The following LARGE1 variants were observed in gnomAD, a reference collection of about 807,000 sequenced individuals.
LARGE1 encodes LARGE xylosyl- and glucuronyltransferase 1.
In LARGE1, 43 loss-of-function variants were observed where a neutral mutation model predicts 87.6. That is an observed-to-expected ratio of 0.49 (90% CI 0.38 to 0.63). The LOEUF is 0.63. Among genes scored for constraint, LARGE1 ranks in the 30% least tolerant of loss-of-function variants. The pLI, the probability that LARGE1 is intolerant of heterozygous loss-of-function variation, is 0.00. For missense variants in LARGE1, 802 were observed against 1,000.2 expected (o/e 0.80, Z 2.67); for synonymous variants, 434 against 394.6 (o/e 1.10, Z -1.18).
At chr22:33,547,842 T>C (rs1378265945) in intron 6 of LARGE1, among the ~76,000 whole-genome samples, 2 of 103,606 alleles carry the variant, frequency 1.9e-5, no homozygotes, top group South Asian at 3.1e-4. Flanking sequence ...TCTAAAAAAA[T>C]GTACCATATT....
In LARGE1 at chr22:33,384,252, C is replaced by T. The variant is rs1438136398; in HGVS notation, c.945G>A (p.Met315Ile). ...DKLRKMKWEQ[M>I]WRLTAERELM... ...GCTCCCTCTCTGCGGTCAGCCTCCACATCTGCTCCCATTTCATCTTCCGCA... is the reference window on the plus strand; with the variant it reads ...GCTCCCTCTCTGCGGTCAGCCTCCATATCTGCTCCCATTTCATCTTCCGCA... Residue 315 changes from methionine to isoleucine, a missense_variant, in exon 8 of 15, where the codon ATG becomes ATA. Transcript: ENST00000397394. The T allele has an allele frequency of 1.2e-6, 2 of 1,614,060 alleles. No homozygotes were observed. The highest frequency in any genetic ancestry group is 2.2e-5 in the East Asian group (1 of 44,896).
the LARGE1 span, among the ~76,000 whole-genome samples, chr22:33,131,778 A>C: frequency 6.6e-6 from 1 of 151,234 alleles, no homozygotes; most frequent in Non-Finnish European, 1.5e-5. Context: ...ATTTGGGTGG[A>C]GACACAGCCA....
At chr22:33,803,196 C>T (rs1407829845) in intron 1 of LARGE1, among the ~76,000 whole-genome samples, 1 of 152,202 alleles carries the variant, frequency 6.6e-6, no homozygotes, top group African/African-American at 2.4e-5. Flanking sequence ...TGGTAGAGCA[C>T]TCATTTCCCT....
At chr22:33,635,885 C>T (rs1479184623) in intron 3 of LARGE1, among the ~76,000 whole-genome samples, 2 of 152,204 alleles carry the variant, frequency 1.3e-5, no homozygotes, top group Admixed American at 6.5e-5. Context: ...GTTATTTCAA[C>T]TATGCAGAAA....
chr22:33,442,832 G>A (rs966981779), intron 6 of LARGE1, among the ~76,000 whole-genome samples: 2 of 146,560 alleles, frequency 1.4e-5, no homozygotes, highest in Admixed American at 6.9e-5. Flanking sequence ...TCGCTCTGCC[G>A]CCCAGGCTGG....
chr22:33,430,169 C>T (rs1157958859), intron 7 of LARGE1, among the ~76,000 whole-genome samples: 1 of 152,208 alleles, frequency 6.6e-6, no homozygotes, highest in African/African-American at 2.4e-5. Flanking sequence ...TTCAGGGTTG[C>T]AGCCTTCGAT....
At chr22:33,446,855 T>C (rs974897954) in intron 6 of LARGE1, among the ~76,000 whole-genome samples, 5 of 152,126 alleles carry the variant, frequency 3.3e-5, no homozygotes, top group African/African-American at 4.8e-5. Flanking sequence ...GACACGGCAG[T>C]GTTGAGACTA....
intron 12 of LARGE1, among the ~76,000 whole-genome samples, chr22:33,303,815 G>T (rs181787807): frequency 1.3e-5 from 2 of 151,008 alleles, no homozygotes; most frequent in Non-Finnish European, 2.9e-5. Flanking sequence ...AGTAGGGGGG[G>T]GGTTTCACCA....
chr22:33,130,638 G>C, the LARGE1 span, among the ~76,000 whole-genome samples: 1 of 152,242 alleles, frequency 6.6e-6, no homozygotes, highest in East Asian at 1.9e-4. Flanking sequence ...GAGGCCACTA[G>C]CCCCAGGTCA....
At chr22:33,739,569 C>T (rs980460692) in intron 2 of LARGE1, among the ~76,000 whole-genome samples, 1 of 152,164 alleles carries the variant, frequency 6.6e-6, no homozygotes, top group Non-Finnish European at 1.5e-5. Context: ...TCTTCAATAA[C>T]AGCCTGTGAA....
intron 3 of LARGE1, among the ~76,000 whole-genome samples, chr22:33,643,629 T>A (rs1342656953): frequency 1.3e-5 from 2 of 152,164 alleles, no homozygotes; most frequent in East Asian, 3.8e-4. Context: ...CAGGAGTTGG[T>A]CTTTTGAAAA....
At position 33,272,581 on chromosome 22, in the gene LARGE1, T is replaced by C. The variant is rs117459796; in HGVS notation, c.*1846A>G. On this transcript the variant is annotated 3_prime_UTR_variant, in exon 15 of 15. Coordinates refer to ENST00000397394, the MANE Select transcript of LARGE1 (RefSeq NM_133642.5). ...ATAAATGCTTTGTATATAGGCTATA[T>C]ACTTGTATGCTCTGTCTACATATAT... is the stretch of plus-strand genomic sequence containing the variant. Among the ~76,000 whole-genome samples, 429 of 152,384 alleles carry C rather than the reference T, an allele frequency of 2.8e-3. 4 individuals carry two copies. Among genetic ancestry groups the C allele is most frequent in the Admixed American group, 5.8e-3 (89 of 15,308 alleles).
At position 33,919,313 on chromosome 22, in the gene LARGE1, G is replaced by A. The variant is rs1010773743; in HGVS notation, c.-83+682C>T. Among the ~76,000 whole-genome samples the A allele has an allele frequency of 2.0e-5, 3 of 152,126 alleles. No individual in the cohort carries two copies. The East Asian group carries it at 5.8e-4, about 29-fold the overall frequency. ...AGAGGAACATTTAAAAGAGGATAAG[G>A]CAATGAACAAAATAACTTGAGGATA... On this transcript the variant is annotated intron_variant, in intron 1 of 14. Coordinates refer to ENST00000397394, the MANE Select transcript of LARGE1 (RefSeq NM_133642.5).
intron 2 of LARGE1, among the ~76,000 whole-genome samples, chr22:33,720,077 C>T: frequency 1.3e-5 from 2 of 152,178 alleles, no homozygotes; most frequent in East Asian, 3.9e-4. Flanking sequence ...TTATTGTGTA[C>T]TTTATTTCTA....
At chr22:33,240,840 A>G (rs1421936283) in intron 11 of LARGE1, among the ~76,000 whole-genome samples, 1 of 152,088 alleles carries the variant, frequency 6.6e-6, no homozygotes, top group Non-Finnish European at 1.5e-5. Flanking sequence ...TTTTCTGCTC[A>G]GTCTGTGTCT....
At chr22:33,685,549 T>C (rs908826423) in intron 2 of LARGE1, among the ~76,000 whole-genome samples, 1 of 152,236 alleles carries the variant, frequency 6.6e-6, no homozygotes, top group Non-Finnish European at 1.5e-5. Flanking sequence ...TCCTAGGTTA[T>C]GCCCCCTGTC....
intron 11 of LARGE1, among the ~76,000 whole-genome samples, chr22:33,257,453 AAAAAC>A (rs1292389278): frequency 7.5e-4 from 109 of 145,382 alleles, no homozygotes; most frequent in African/African-American, 2.5e-3. Context: ...AAACAAAAAC[AAAAAC>A]AAAAAAACAA....
intron 9 of LARGE1, among the ~76,000 whole-genome samples, chr22:33,343,196 T>TG (rs1345877947): frequency 6.6e-6 from 1 of 152,126 alleles, no homozygotes; most frequent in Non-Finnish European, 1.5e-5. Context: ...TGGTGCAATC[T>TG]GGGCTCACTG....
intron 6 of LARGE1, among the ~76,000 whole-genome samples, chr22:33,511,187 C>A (rs1195023535): frequency 6.6e-6 from 1 of 152,194 alleles, no homozygotes; most frequent in East Asian, 1.9e-4. Flanking sequence ...TCACACGCAG[C>A]TTTTACTGCT....
Sources: gnomAD v4.1 joint callset for allele counts (sites outside exome capture counted in the v4.1 genomes callset) on GRCh38, gnomAD v4.1.1 for gene constraint, MANE v1.5 for transcripts, NCBI Gene and HGNC (gene_info 2026-07-23, HGNC 2026-07-21) for gene names.